Variants in EFCAB6 observed in about 807,000 individuals in gnomAD.
The protein encoded by EFCAB6 is EF-hand calcium-binding domain-containing protein 6.
In EFCAB6, 156 loss-of-function variants were observed where a neutral mutation model predicts 169.8. That is an observed-to-expected ratio of 0.92 (90% CI 0.81 to 1.05). The LOEUF is 1.05. Among genes scored for constraint, EFCAB6 ranks in the 50% least tolerant of loss-of-function variants. The probability of loss-of-function intolerance (pLI) is 0.00; values close to 1 mark genes in which losing one functional copy is unlikely to be tolerated. For synonymous variants in EFCAB6, 698 were observed against 676.4 expected, an observed-to-expected ratio of 1.03 and a Z score of -0.50; for missense variants, 1,800 against 1,829.1, an observed-to-expected ratio of 0.98 and a Z score of 0.29.
At chr22:43,531,669 CTTTCA>C (rs2146974545) in intron 30 of EFCAB6, among the ~76,000 whole-genome samples, 1 of 152,206 alleles carries the variant, frequency 6.6e-6, no homozygotes, top group South Asian at 2.1e-4. Context: ...GGTTAAGCTG[CTTTCA>C]TTTTTTTTTT....
chr22:43,719,562 C>T (rs1032941672), intron 8 of EFCAB6, among the ~76,000 whole-genome samples: 3 of 152,146 alleles, frequency 2.0e-5, no homozygotes, highest in African/African-American at 4.8e-5. Context: ...TATGAACTAG[C>T]GACTCTCTTA....
At chr22:43,578,706 GCAGGCATCATTCCATACACA>G (rs1181828519) in intron 25 of EFCAB6, among the ~76,000 whole-genome samples, 1 of 151,790 alleles carries the variant, frequency 6.6e-6, no homozygotes, top group Non-Finnish European at 1.5e-5. Context: ...TTCTGTACAT[GCAGGCATCATTCCATACACA>G]CAGGCATCAT....
rs374300790 is a variant in EFCAB6, at chr22:43,540,352, G to A, written c.3654C>T (p.Asp1218=). The change falls in exon 28 of 32, where the codon GAC becomes GAT. Residue 1218 remains aspartate (D), a synonymous_variant. Transcript: ENST00000262726. ...TGACTGGCATCTCGTTCCAGAGTCTGTCAAACTGGAGAAGGAGCAGAAGTC... is the reference window on the plus strand; with the variant it reads ...TGACTGGCATCTCGTTCCAGAGTCTATCAAACTGGAGAAGGAGCAGAAGTC... ...RVQILTDEQF[D]RLWNEMPVNA... 1.9e-6 allele frequency: 3 copies of A among 1,614,000 alleles called. No homozygotes were observed. Among genetic ancestry groups the A allele is most frequent in the East Asian group, 2.2e-5 (1 of 44,894 alleles).
At chr22:43,687,335 T>TA in intron 11 of EFCAB6, 136 bp downstream of exon 11, 2 of 568,492 alleles carry the variant, frequency 3.5e-6, no homozygotes, top group Non-Finnish European at 3.0e-6. Flanking sequence ...AATCACTATA[T>TA]AAAAGTTGGC....
intron 23 of EFCAB6, among the ~76,000 whole-genome samples, chr22:43,599,789 T>C (rs978322847): frequency 1.3e-5 from 2 of 152,130 alleles, no homozygotes; most frequent in African/African-American, 2.4e-5. Context: ...CCAGGCGGTA[T>C]GCCATCCACA....
At chr22:43,782,436 G>T in intron 2 of EFCAB6, 111 bp from the exon 3 acceptor site, 1 of 895,004 alleles carries the variant, frequency 1.1e-6, no homozygotes. Flanking sequence ...GTGTAAAAAT[G>T]ATGCTAGTCA....
rs1398360464 is a variant in EFCAB6 at position 43,580,467 on chromosome 22, G to A, written c.3225C>T (p.Ser1075=). The A allele has an allele frequency of 6.2e-7, 1 of 1,613,984 alleles. No homozygotes were observed. Among genetic ancestry groups the A allele is most frequent in the Admixed American group, 1.7e-5 (1 of 60,012 alleles). The change falls in exon 25 of 32, where the codon TCC becomes TCT. Residue 1075 remains serine, a synonymous_variant. Transcript: ENST00000262726. ...EVVESSQLAL[S]TAFSALDKED... is the part of the protein sequence containing the mutation. The stretch of plus-strand genomic sequence containing the variant: ...AAGCACTTTCAGCCTGTCATACCGT[G>A]GACAAAGCCAGCTGGGAGGACTCAA...
In EFCAB6 at chr22:43,671,085, G is replaced by T. The variant is rs147318435; in HGVS notation, c.1640+888C>A. On this transcript the variant is annotated intron_variant, in intron 15 of 31. Coordinates refer to ENST00000262726, the MANE Select transcript of EFCAB6 (RefSeq NM_022785.4). The stretch of plus-strand genomic sequence containing the variant: ...CAGGCAGCCCAGCTGCACAGTCTCA[G>T]CTCCTGAGAGGTGAGAGGCTGGTGG... 6.9e-3 allele frequency among the ~76,000 whole-genome samples: 1,055 copies of T among 152,388 alleles called. 14 individuals are homozygous for T. The highest frequency in any genetic ancestry group is 0.024 in the African/African-American group (1,012 of 41,598).
intron 27 of EFCAB6, among the ~76,000 whole-genome samples, chr22:43,545,826 C>CTT (rs2147112315): frequency 6.6e-6 from 1 of 152,264 alleles, no homozygotes; most frequent in South Asian, 2.1e-4. Context: ...ATCTTTGGCA[C>CTT]TTGGAAGAAG....
chr22:43,786,003 T>A (rs1387535034), intron 2 of EFCAB6, among the ~76,000 whole-genome samples: 1 of 152,148 alleles, frequency 6.6e-6, no homozygotes, highest in Non-Finnish European at 1.5e-5. Context: ...ACCAAAAAAC[T>A]TCCTGCAAAA....
chr22:43,809,885 C>T (rs2063049529), intron 1 of EFCAB6, among the ~76,000 whole-genome samples: 3 of 152,242 alleles, frequency 2.0e-5, no homozygotes, highest in Admixed American at 1.3e-4. Flanking sequence ...GGATTACAGG[C>T]ATGAGCCACC....
At chr22:43,723,557 T>C (rs535942687) in intron 8 of EFCAB6, among the ~76,000 whole-genome samples, 2 of 152,330 alleles carry the variant, frequency 1.3e-5, no homozygotes, top group Admixed American at 6.5e-5. Context: ...TATTGGGTTT[T>C]AAATTTTTTT....
At chr22:43,728,038 T>G (rs2059801976) in intron 8 of EFCAB6, among the ~76,000 whole-genome samples, 1 of 152,150 alleles carries the variant, frequency 6.6e-6, no homozygotes, top group Non-Finnish European at 1.5e-5. Context: ...GCATTAGGTA[T>G]TTCTTCTAAT....
At chr22:43,775,802 G>A (rs1047438155) in intron 3 of EFCAB6, among the ~76,000 whole-genome samples, 2 of 152,176 alleles carry the variant, frequency 1.3e-5, no homozygotes, top group African/African-American at 4.8e-5. Context: ...AGGAGGCCAA[G>A]GAGCCACCCT....
At chr22:43,545,834 A>T (rs2147112368) in intron 27 of EFCAB6, among the ~76,000 whole-genome samples, 1 of 152,262 alleles carries the variant, frequency 6.6e-6, no homozygotes, top group South Asian at 2.1e-4. Context: ...CACTTGGAAG[A>T]AGCAAACCCT....
chr22:43,735,264 A>G (rs2060089695), intron 7 of EFCAB6, among the ~76,000 whole-genome samples: 1 of 151,974 alleles, frequency 6.6e-6, no homozygotes, highest in African/African-American at 2.4e-5. Flanking sequence ...GTGGCGTTCA[A>G]ACACCATGAG....
rs2050659910 is a variant in EFCAB6 at position 43,580,622 on chromosome 22, G to C, written c.3070C>G (p.Leu1024Val). 6.2e-7 allele frequency: 1 copy of C among 1,613,950 alleles called. No individual in the cohort carries two copies. Among genetic ancestry groups the C allele is most frequent in the South Asian group, 1.1e-5 (1 of 91,072 alleles). ...VSRHDNAINYLDFLRAVENSK... is the reference protein window; with the variant it reads ...VSRHDNAINYVDFLRAVENSK... Reference sequence around the variant, plus strand: ...TTCTCCACTGCTCTCAGGAAGTCGAGGTAATTGATAGCATTATCATGCCGG... The same window carrying C: ...TTCTCCACTGCTCTCAGGAAGTCGACGTAATTGATAGCATTATCATGCCGG... The change falls in exon 25 of 32, where the codon CTC becomes GTC. Residue 1024 changes from leucine (L) to valine (V), a missense_variant. By Grantham distance (32) the Leu-to-Val change is conservative. Coordinates refer to ENST00000262726, the MANE Select transcript of EFCAB6 (RefSeq NM_022785.4).
intron 19 of EFCAB6, among the ~76,000 whole-genome samples, chr22:43,629,929 G>A (rs1032473829): frequency 1.3e-5 from 2 of 152,164 alleles, no homozygotes; most frequent in Non-Finnish European, 2.9e-5. Context: ...ATTGTGAAGT[G>A]CAAAGTGAAG....
intron 17 of EFCAB6, among the ~76,000 whole-genome samples, chr22:43,654,973 T>A (rs2056662205): frequency 1.3e-5 from 2 of 152,176 alleles, no homozygotes; most frequent in Admixed American, 1.3e-4. Flanking sequence ...AAAATACATG[T>A]GAGGCCAGGC....
Sources: gnomAD v4.1 joint callset for allele counts (sites outside exome capture counted in the v4.1 genomes callset) on GRCh38, gnomAD v4.1.1 for gene constraint, MANE v1.5 for transcripts, NCBI Gene and HGNC (gene_info 2026-07-23, HGNC 2026-07-21) for gene names.